Variants in STIM1 observed in about 807,000 individuals in gnomAD.
STIM1 encodes the protein stromal interaction molecule 1.
Under a neutral mutation model 74.7 loss-of-function variants are expected in STIM1, and 25 were observed. The ratio of observed to expected loss-of-function variants is 0.33; its 90% CI spans 0.24 to 0.47. The LOEUF (loss-of-function observed/expected upper bound fraction) is 0.47. STIM1 is among the 20% of genes least tolerant of loss of function. STIM1 has a pLI of 1.00. For synonymous variants in STIM1, 328 were observed against 348.8 expected, an observed-to-expected ratio of 0.94 and a Z score of 0.66; for missense variants, 728 against 920.8, an observed-to-expected ratio of 0.79 and a Z score of 2.71.
At chr11:3,902,067 C>T (rs1183859733) in intron 1 of STIM1, among the ~76,000 whole-genome samples, 3 of 152,278 alleles carry the variant, frequency 2.0e-5, no homozygotes, top group East Asian at 3.9e-4. Flanking sequence ...TGTGGCTGGC[C>T]CCCAACATTT....
chr11:4,068,374 T>C (rs1045158295), intron 5 of STIM1, among the ~76,000 whole-genome samples: 2 of 152,172 alleles, frequency 1.3e-5, no homozygotes, highest in African/African-American at 4.8e-5. Context: ...ACCTTTGACT[T>C]TTGGTAAGAA....
intron 3 of STIM1, among the ~76,000 whole-genome samples, chr11:4,027,780 T>A (rs1304235983): frequency 4.6e-5 from 7 of 151,966 alleles, no homozygotes; most frequent in African/African-American, 1.5e-4. Flanking sequence ...GTGTGTAGGG[T>A]TTGGAGAGAG....
At chr11:3,941,669 T>TAGAGAG (rs1233313065) in intron 1 of STIM1, among the ~76,000 whole-genome samples, 19 of 86,400 alleles carry the variant, frequency 2.2e-4, no homozygotes, top group South Asian at 9.2e-4. Context: ...TATATATATA[T>TAGAGAG]ATATAGAGAG....
Position 3,890,892 on chromosome 11 carries a change from C to T in STIM1, c.139+34483C>T, listed in dbSNP as rs73423253. ...CAGGTATTGGGCCAGAAGTCTAAAG[C>T]TCCATGAAATACTGTTTATGTACAA... On this transcript the variant is annotated intron_variant, in intron 1 of 12. Coordinates refer to ENST00000526596, the MANE Select transcript of STIM1 (RefSeq NM_001382567.1). Among the ~76,000 whole-genome samples the T allele has an allele frequency of 9.2e-3, 1,394 of 152,212 alleles. 13 individuals are homozygous for T. Among genetic ancestry groups the T allele is most frequent in the African/African-American group, 0.032 (1,335 of 41,524 alleles).
At chr11:3,925,202 C>T (rs2092772597) in intron 1 of STIM1, among the ~76,000 whole-genome samples, 1 of 152,204 alleles carries the variant, frequency 6.6e-6, no homozygotes, top group African/African-American at 2.4e-5. Context: ...CGAAACCATC[C>T]TGGCCAACAT....
At chr11:3,871,532 T>G (rs1167567930) in intron 1 of STIM1, among the ~76,000 whole-genome samples, 4 of 152,190 alleles carry the variant, frequency 2.6e-5, no homozygotes, top group Admixed American at 6.5e-5. Context: ...TTGTCCAATA[T>G]CTAGTCACAT....
At chr11:3,895,019 G>C (rs1339986766) in intron 1 of STIM1, among the ~76,000 whole-genome samples, 2 of 151,908 alleles carry the variant, frequency 1.3e-5, no homozygotes, top group Non-Finnish European at 2.9e-5. Context: ...AAAGTGCTGG[G>C]ATTACAGGCG....
At chr11:4,032,648 A>G (rs2094060906) in intron 3 of STIM1, among the ~76,000 whole-genome samples, 1 of 152,204 alleles carries the variant, frequency 6.6e-6, no homozygotes, top group African/African-American at 2.4e-5. Flanking sequence ...CAACCCATAA[A>G]CAAAGTACAT....
chr11:3,928,266 C>T (rs962491468), intron 1 of STIM1, among the ~76,000 whole-genome samples: 2 of 151,196 alleles, frequency 1.3e-5, no homozygotes, highest in Non-Finnish European at 2.9e-5. Context: ...CACTTTGTCG[C>T]CCAGGCTGGA....
At chr11:3,899,866 C>G (rs1205285065) in intron 1 of STIM1, among the ~76,000 whole-genome samples, 2 of 151,772 alleles carry the variant, frequency 1.3e-5, no homozygotes, top group African/African-American at 4.9e-5. Context: ...AGGGATGAAG[C>G]CCACTTGATC....
intron 3 of STIM1, among the ~76,000 whole-genome samples, chr11:4,047,486 T>C (rs7942357): frequency 0.9 from 136,451 of 152,102 alleles, 61,274 homozygotes; most frequent in East Asian, 0.95. Flanking sequence ...TGTGGCGGCA[T>C]GTGTCTGTAA....
chr11:4,036,932 T>G (rs886079968), intron 3 of STIM1, among the ~76,000 whole-genome samples: 1 of 152,126 alleles, frequency 6.6e-6, no homozygotes, highest in Non-Finnish European at 1.5e-5. Context: ...ATCATCGGAG[T>G]GAACAGGCAA....
intron 3 of STIM1, among the ~76,000 whole-genome samples, chr11:4,030,599 C>G (rs1049831071): frequency 2.0e-5 from 3 of 152,194 alleles, no homozygotes; most frequent in African/African-American, 7.2e-5. Flanking sequence ...TAGTTGTTTG[C>G]TGCTGTATTT....
At chr11:3,977,884 A>G (rs1269313859) in intron 2 of STIM1, among the ~76,000 whole-genome samples, 1 of 152,152 alleles carries the variant, frequency 6.6e-6, no homozygotes, top group East Asian at 1.9e-4. Context: ...ACATGAGGGT[A>G]CAATAGTGAG....
intron 1 of STIM1, among the ~76,000 whole-genome samples, chr11:3,966,299 CTTTAAAA>C (rs1022733186): frequency 1.7e-4 from 26 of 152,176 alleles, no homozygotes; most frequent in African/African-American, 6.3e-4. Context: ...ATCTGGAACA[CTTTAAAA>C]TTTAATATTT....
At chr11:3,962,930 C>T (rs2135718820) in intron 1 of STIM1, among the ~76,000 whole-genome samples, 1 of 152,120 alleles carries the variant, frequency 6.6e-6, no homozygotes, top group South Asian at 2.1e-4. Context: ...TTGTGTTTTA[C>T]TTTCCTTTTT....
At chr11:3,917,705 A>G (rs1357669103) in intron 1 of STIM1, among the ~76,000 whole-genome samples, 1 of 152,046 alleles carries the variant, frequency 6.6e-6, no homozygotes, top group Non-Finnish European at 1.5e-5. Flanking sequence ...AAGTGTTGGG[A>G]CTGCAGGTGT....
intron 1 of STIM1, among the ~76,000 whole-genome samples, chr11:3,915,468 G>T (rs1434468303): frequency 1.3e-5 from 2 of 151,470 alleles, no homozygotes; most frequent in Non-Finnish European, 2.9e-5. Flanking sequence ...TGCCATCTCG[G>T]CTCACTGCAA....
At chr11:4,052,160 T>A (rs2094247883) in intron 3 of STIM1, among the ~76,000 whole-genome samples, 1 of 151,984 alleles carries the variant, frequency 6.6e-6, no homozygotes, top group African/African-American at 2.4e-5. Flanking sequence ...AAAATCAATA[T>A]CGTGAAAATG....
Sources: gnomAD v4.1 joint callset for allele counts (sites outside exome capture counted in the v4.1 genomes callset) on GRCh38, gnomAD v4.1.1 for gene constraint, MANE v1.5 for transcripts, NCBI Gene and HGNC (gene_info 2026-07-23, HGNC 2026-07-21) for gene names.